The following DEPDC1B variants were observed in gnomAD, a reference collection of about 807,000 sequenced individuals.
The protein encoded by DEPDC1B is DEP domain-containing protein 1B.
A neutral mutation model predicts 66.5 loss-of-function variants in DEPDC1B; 51 were observed. The observed-to-expected ratio is 0.77, with a 90% CI of 0.61 to 0.97. The LOEUF (loss-of-function observed/expected upper bound fraction) is 0.97. Among genes scored for constraint, DEPDC1B ranks in the 50% least tolerant of loss-of-function variants. The pLI is 0.00. For missense variants in DEPDC1B, 552 were observed against 637.1 expected, an observed-to-expected ratio of 0.87 and a Z score of 1.44; for synonymous variants, 226 against 223.6, an observed-to-expected ratio of 1.01 and a Z score of -0.10.
rs79552171 is a variant in DEPDC1B, at chr5:60,634,735, T to C, written c.898+4015A>G. On this transcript the variant is annotated intron_variant, in intron 7 of 10. Coordinates refer to ENST00000265036, the MANE Select transcript of DEPDC1B (RefSeq NM_018369.3). Reference sequence around the variant, plus strand: ...ATAAATAAATAAATAGCTTGTGTATTTAGTTACAGCCAGGTAATACCTAGG... The same window carrying C: ...ATAAATAAATAAATAGCTTGTGTATCTAGTTACAGCCAGGTAATACCTAGG... Among the ~76,000 whole-genome samples the C allele has an allele frequency of 6.0e-3, 907 of 151,762 alleles. 10 individuals carry two copies. The highest frequency in any genetic ancestry group is 0.017 in the Middle Eastern group (5 of 294).
intron 2 of DEPDC1B, among the ~76,000 whole-genome samples, chr5:60,661,325 C>A (rs1009976396): frequency 6.6e-6 from 1 of 152,124 alleles, no homozygotes. Flanking sequence ...TGTAACTAAT[C>A]TGATAAGCAG....
At chr5:60,622,054 A>T (rs551778164) in intron 7 of DEPDC1B, among the ~76,000 whole-genome samples, 4 of 152,224 alleles carry the variant, frequency 2.6e-5, no homozygotes, top group African/African-American at 9.6e-5. Context: ...CTCAAATAAC[A>T]TGTGTTACTT....
intron 7 of DEPDC1B, among the ~76,000 whole-genome samples, chr5:60,621,265 G>A (rs1395381172): frequency 2.7e-5 from 4 of 150,736 alleles, no homozygotes; most frequent in African/African-American, 4.9e-5. Context: ...TTGTGCACAT[G>A]TACACTAACT....
intron 2 of DEPDC1B, among the ~76,000 whole-genome samples, chr5:60,661,471 C>G (rs547164764): frequency 6.6e-6 from 1 of 152,258 alleles, no homozygotes; most frequent in Admixed American, 6.5e-5. Flanking sequence ...GAAACGTTCC[C>G]CTCAAGGCAA....
chr5:60,627,432 T>C (rs1752829553), intron 7 of DEPDC1B, among the ~76,000 whole-genome samples: 1 of 152,090 alleles, frequency 6.6e-6, no homozygotes, highest in Non-Finnish European at 1.5e-5. Context: ...ATTAGCATTC[T>C]ATCTTTTTTT....
chr5:60,628,691 TAC>T (rs1329594374), intron 7 of DEPDC1B: 2 of 152,180 alleles, frequency 1.3e-5, no homozygotes, highest in East Asian at 3.9e-4. Context: ...TAAAATTAGA[TAC>T]AGATTCATCC....
At chr5:60,664,577 T>A (rs1753795250) in intron 2 of DEPDC1B, among the ~76,000 whole-genome samples, 1 of 152,230 alleles carries the variant, frequency 6.6e-6, no homozygotes, top group South Asian at 2.1e-4. Context: ...TGCTCAAACC[T>A]ACGCTGCTCG....
chr5:60,605,734 T>G lies in DEPDC1B; in HGVS notation c.1021A>C (p.Lys341Gln). The G allele has an allele frequency of 6.2e-7, 1 of 1,613,194 alleles. No homozygotes were observed. The highest frequency in any genetic ancestry group is 2.2e-5 in the East Asian group (1 of 44,838). Residue 341 changes from lysine to glutamine, a missense_variant, in exon 8 of 11, where the codon AAA becomes CAA. Transcript: ENST00000265036. ...MRMMARICLNKEMPPLCDGFG... is the reference protein window; with the variant it reads ...MRMMARICLNQEMPPLCDGFG... ...CCATCACACAGGGGTGGCATCTCTT[T>G]GTTTAAGCAAATCCTTGCCATCATC...
intron 2 of DEPDC1B, among the ~76,000 whole-genome samples, chr5:60,661,756 A>G (rs1343556577): frequency 1.3e-5 from 2 of 152,208 alleles, no homozygotes; most frequent in East Asian, 1.9e-4. Context: ...CAGTCAGGTC[A>G]ATGATAGGAT....
intron 2 of DEPDC1B, among the ~76,000 whole-genome samples, chr5:60,670,657 G>T (rs182330975): frequency 2.8e-4 from 42 of 152,340 alleles, no homozygotes; most frequent in African/African-American, 9.6e-4. Context: ...AATTAAGTCA[G>T]AGGACTCTAT....
chr5:60,668,397 C>G (rs902785860), intron 2 of DEPDC1B, among the ~76,000 whole-genome samples: 1 of 150,982 alleles, frequency 6.6e-6, no homozygotes, highest in African/African-American at 2.4e-5. Context: ...GCCTCAGCCT[C>G]CCAAGTAGCT....
In DEPDC1B at chr5:60,671,304, G is replaced by A. The variant is rs529043764; in HGVS notation, c.314+15658C>T. On this transcript the variant is annotated intron_variant, in intron 2 of 10. Coordinates refer to ENST00000265036, the MANE Select transcript of DEPDC1B (RefSeq NM_018369.3). ...TTCCACTCAAGAAGAAAGCACCAAC[G>A]TGTGGGCAAGCGGATCTGTGAAGCA... Among the ~76,000 whole-genome samples the A allele has an allele frequency of 2.3e-4, 35 of 152,246 alleles. 1 individual carries two copies. In the Middle Eastern group the frequency reaches 0.027, roughly 118 times the overall value.
intron 2 of DEPDC1B, among the ~76,000 whole-genome samples, chr5:60,686,284 C>T (rs1052328156): frequency 1.3e-5 from 2 of 151,926 alleles, no homozygotes; most frequent in African/African-American, 2.4e-5. Context: ...CTTTATGGAC[C>T]TGTGTGACTT....
chr5:60,615,165 A>G (rs1752513911), intron 7 of DEPDC1B, among the ~76,000 whole-genome samples: 1 of 152,098 alleles, frequency 6.6e-6, no homozygotes, highest in Admixed American at 6.5e-5. Flanking sequence ...AGTAGGGGGG[A>G]TGGAACCAAG....
At chr5:60,698,169 G>C (rs1754698019) in intron 1 of DEPDC1B, among the ~76,000 whole-genome samples, 1 of 152,106 alleles carries the variant, frequency 6.6e-6, no homozygotes, top group South Asian at 2.1e-4. Flanking sequence ...CCTAAAGTTA[G>C]ACTTATCAAT....
At chr5:60,694,514 C>T (rs1754614176) in intron 1 of DEPDC1B, among the ~76,000 whole-genome samples, 1 of 152,180 alleles carries the variant, frequency 6.6e-6, no homozygotes, top group Admixed American at 6.5e-5. Flanking sequence ...CTTCCACCAA[C>T]AATGTGGGAG....
intron 2 of DEPDC1B, among the ~76,000 whole-genome samples, chr5:60,648,417 A>T (rs529220833): frequency 1.3e-5 from 2 of 152,334 alleles, no homozygotes; most frequent in South Asian, 4.1e-4. Context: ...AGACCATATA[A>T]GCTGGGACTC....
intron 4 of DEPDC1B, among the ~76,000 whole-genome samples, 183 bp downstream of exon 4, chr5:60,645,309 T>A (rs552845645): frequency 6.6e-6 from 1 of 152,326 alleles, no homozygotes; most frequent in South Asian, 2.1e-4. Flanking sequence ...CTAACTATTA[T>A]GTAAATAGCA....
At chr5:60,691,460 C>T (rs1388326265) in intron 1 of DEPDC1B, among the ~76,000 whole-genome samples, 3 of 152,104 alleles carry the variant, frequency 2.0e-5, no homozygotes, top group Admixed American at 6.6e-5. Context: ...TTTATTCTTA[C>T]GTTAATCTTT....
Sources: gnomAD v4.1 joint callset for allele counts (sites outside exome capture counted in the v4.1 genomes callset) on GRCh38, gnomAD v4.1.1 for gene constraint, MANE v1.5 for transcripts, NCBI Gene and HGNC (gene_info 2026-07-23, HGNC 2026-07-21) for gene names.